The following SLC49A3 variants were observed in gnomAD, a reference collection of about 807,000 sequenced individuals.
SLC49A3 encodes the protein solute carrier family 49 member 3.
Under a neutral mutation model 43.8 loss-of-function variants are expected in SLC49A3, and 50 were observed. The ratio of observed to expected loss-of-function variants is 1.14; its 90% CI spans 0.91 to 1.45. SLC49A3 has a LOEUF of 1.45. Ranked by LOEUF, SLC49A3 falls within the 40% of genes most tolerant of loss-of-function variation. The pLI is 0.00. For synonymous variants in SLC49A3, 413 were observed against 352.0 expected, an observed-to-expected ratio of 1.17 and a Z score of -1.94; for missense variants, 906 against 774.1, an observed-to-expected ratio of 1.17 and a Z score of -2.02.
chr4:678,386 A>G, downstream of SLC49A3: 2 of 1,413,780 alleles, frequency 1.4e-6, no homozygotes, highest in Non-Finnish European at 1.8e-6. Context: ...CTCCTGCTGG[A>G]CGGCGATCCC....
chr4:682,088 C>A lies in SLC49A3; in HGVS notation c.1550G>T (p.Arg517Leu), dbSNP rs370343121. The A allele has an allele frequency of 4.3e-6, 6 of 1,393,792 alleles. No homozygotes were observed. The highest frequency in any genetic ancestry group is 2.9e-5 in the Admixed American group (1 of 35,010). 86.3% of individuals were successfully genotyped at this position (1,393,792 alleles called of 1,614,324 possible). The change falls in exon 10 of 10, where the codon CGT becomes CTT. Residue 517 changes from arginine to leucine, a missense_variant. Transcript: ENST00000322224. ...GTCGGTGGCTGCTGGGCCTTGCGCA[C>A]GGGGAGTCGCTCGGTGGCAGGCTGG... is the stretch of plus-strand genomic sequence containing the variant. Reference protein sequence around the residue: ...PHPACHRATPRAQGPAATDAP... With the variant: ...PHPACHRATPLAQGPAATDAP...
At chr4:680,368 C>T (rs1313418480), downstream of SLC49A3, 1 of 914,588 alleles carries the variant, frequency 1.1e-6, no homozygotes, top group Non-Finnish European at 1.7e-6. Flanking sequence ...AGGAGAAGGC[C>T]TTCAGGCAGA....
rs2109433084 is a variant in SLC49A3 at position 685,933 on chromosome 4, G to T, written c.509-22C>A. The stretch of plus-strand genomic sequence containing the variant: ...TTCGCTGGGTGGGCGGATGCACAAA[G>T]TGTCAGCTCGGCTGTGGCCTGGCTT... On this transcript the variant is annotated intron_variant, in intron 3 of 9. Coordinates refer to ENST00000322224, the MANE Select transcript of SLC49A3 (RefSeq NM_032219.4). This position sits in a 1 kb window ranked among gnomAD's most constrained non-coding sequence, Gnocchi z 4.3. The T allele has an allele frequency of 1.2e-6, 2 of 1,613,738 alleles. No individual in the cohort carries two copies. The highest frequency in any genetic ancestry group is 1.7e-6 in the Non-Finnish European group (2 of 1,179,974).
downstream of SLC49A3, chr4:678,467 C>A: frequency 7.0e-7 from 1 of 1,432,400 alleles, no homozygotes; most frequent in East Asian, 2.5e-5. Context: ...AAGCCAGACA[C>A]CTGCAGCCGT....
chr4:688,850 C>T (rs944502344), intron 1 of SLC49A3, 143 bp downstream of exon 1: 4 of 1,335,106 alleles, frequency 3.0e-6, no homozygotes, highest in South Asian at 3.2e-5. Context: ...CCCCAGTGCC[C>T]GCAATCCCTA....
At chr4:682,922 A>G in intron 8 of SLC49A3, 32 bp from the exon 9 acceptor site, 4 of 1,522,630 alleles carry the variant, frequency 2.6e-6, no homozygotes, top group African/African-American at 1.4e-5. Flanking sequence ...CCCCCGCTGC[A>G]CTGCCCACCC....
chr4:681,199 G>A, downstream of SLC49A3: 2 of 1,560,662 alleles, frequency 1.3e-6, no homozygotes, highest in South Asian at 2.3e-5. Context: ...CCCGGGGTCA[G>A]CTGGGTGGAG....
chr4:685,290 CAT>C lies in SLC49A3; in HGVS notation c.586-436_586-435del, dbSNP rs112451979. Among the ~76,000 whole-genome samples, 999 of 152,286 alleles carry C rather than the reference CAT, an allele frequency of 6.6e-3. 8 individuals are homozygous for C. The highest frequency in any genetic ancestry group is 0.023 in the African/African-American group (942 of 41,550). On this transcript the variant is annotated intron_variant, in intron 4 of 9. Transcript: ENST00000322224. This position sits in a 1 kb window ranked among gnomAD's most constrained non-coding sequence, Gnocchi z 4.3. ...CGAGCACACACAGGTACACACCACACATGTGCACAGACACACAGACACATATG... is the reference window on the plus strand; with the variant it reads ...CGAGCACACACAGGTACACACCACACGTGCACAGACACACAGACACATATG...
At chr4:678,164 G>A, downstream of SLC49A3, 1 of 1,543,434 alleles carries the variant, frequency 6.5e-7, no homozygotes, top group Non-Finnish European at 8.8e-7. Context: ...TGCTCTGCCT[G>A]CATATGTGTG....
Position 683,259 on chromosome 4 carries a change from A to T in SLC49A3, c.1102T>A (p.Ser368Thr). 1 of 1,612,738 alleles carries T rather than the reference A, an allele frequency of 6.2e-7. No individual in the cohort carries two copies. Residue 368 changes from serine (S) to threonine (T), a missense_variant, in exon 8 of 10, where the codon TCC becomes ACC. Physicochemically the swap from Ser to Thr is moderately conservative, Grantham distance 58 (BLOSUM62 1). Coordinates refer to ENST00000322224, the MANE Select transcript of SLC49A3 (RefSeq NM_032219.4). Reference protein sequence around the residue: ...PVAMELAVECSFPVGEGAATG... With the variant: ...PVAMELAVECTFPVGEGAATG... The stretch of plus-strand genomic sequence containing the variant: ...GCAGCCCCCTCCCCCACGGGGAAGG[A>T]ACACTCGACCGCCAACTCCATGGCC...
chr4:681,124 A>C (rs761908477), downstream of SLC49A3: 16 of 1,607,314 alleles, frequency 1.0e-5, 1 homozygote, highest in South Asian at 1.8e-4. Context: ...CAGGCTGACA[A>C]GATGACGGCG....
At chr4:681,252 G>C, downstream of SLC49A3, 7 of 1,283,558 alleles carry the variant, frequency 5.5e-6, 1 homozygote, top group Middle Eastern at 1.0e-3. Flanking sequence ...TTAGGACCCA[G>C]GACAGAACAG....
chr4:682,713 G>A (rs748293299), intron 9 of SLC49A3, 68 bp downstream of exon 9: 45 of 1,310,494 alleles, frequency 3.4e-5, no homozygotes, highest in Admixed American at 1.2e-4. Flanking sequence ...CACCTGTCCC[G>A]CTCCCAGGGA....
At chr4:689,484 T>A (rs776356362), upstream of SLC49A3, 26 of 176,230 alleles carry the variant, frequency 1.5e-4, no homozygotes, top group Admixed American at 3.8e-4. Flanking sequence ...GCAGAAGCTC[T>A]GCACTTCCTG....
At chr4:683,179 G>A in intron 8 of SLC49A3, 31 bp downstream of exon 8, 1 of 1,612,394 alleles carries the variant, frequency 6.2e-7, no homozygotes, top group Non-Finnish European at 8.5e-7. Flanking sequence ...GAGTATCTCT[G>A]GGGTTGCAGC....
rs1364016249 is a variant in SLC49A3 at position 689,094 on chromosome 4, C to T, written c.34G>A (p.Ala12Thr). Residue 12 changes from alanine to threonine, a missense_variant, in exon 1 of 10, where the codon GCC (alanine) becomes ACC (threonine). By Grantham distance (58) the Ala-to-Thr change is moderately conservative. Coordinates refer to ENST00000322224, the MANE Select transcript of SLC49A3 (RefSeq NM_032219.4). ...AGPTEAETGL[A>T]EPRALCAQRG... is the part of the protein sequence containing the mutation. ...TGCGCGCACAGGGCCCGGGGCTCGG[C>T]CAACCCCGTCTCGGCCTCCGTCGGC... is the stretch of plus-strand genomic sequence containing the variant. 1 of 1,502,154 alleles carries T rather than the reference C, an allele frequency of 6.7e-7. No homozygotes were observed. Among genetic ancestry groups the T allele is most frequent in the South Asian group, 1.2e-5 (1 of 80,086 alleles). 93.1% of individuals were successfully genotyped at this position (1,502,154 alleles called of 1,614,324 possible). A position where few individuals can be genotyped will look rare whatever the true frequency, so the allele number is the denominator to read the frequency against.
rs1740187609 is a variant in SLC49A3 at position 683,202 on chromosome 4, ACAC to A, written c.1151+5_1151+7del. The A allele has an allele frequency of 1.2e-6, 2 of 1,612,420 alleles. No individual in the cohort carries two copies. Among genetic ancestry groups the A allele is most frequent in the African/African-American group, 1.3e-5 (1 of 74,842 alleles). On this transcript the variant is annotated splice_donor_5th_base_variant and intron_variant, in intron 8 of 9. Coordinates refer to ENST00000322224, the MANE Select transcript of SLC49A3 (RefSeq NM_032219.4). Reference sequence around the variant, plus strand: ...CTGGGGTTGCAGCAGGGGCAGATGGACACTCACCCCAGCACAAAGATCATGCCT... The same window carrying A: ...CTGGGGTTGCAGCAGGGGCAGATGGATCACCCCAGCACAAAGATCATGCCT...
chr4:677,232 C>T (rs372771412), downstream of SLC49A3, among the ~76,000 whole-genome samples: 18 of 152,316 alleles, frequency 1.2e-4, no homozygotes, highest in African/African-American at 4.3e-4. Flanking sequence ...GGCCTGCAGA[C>T]CCTCCTCCCA....
In SLC49A3 at chr4:683,240, C is replaced by G. The variant is rs1214265591; in HGVS notation, c.1121G>C (p.Gly374Ala). The G allele has an allele frequency of 5.6e-6, 9 of 1,612,668 alleles. No homozygotes were observed. The highest frequency in any genetic ancestry group is 1.6e-4 in the Middle Eastern group (1 of 6,084). Residue 374 changes from glycine to alanine, a missense_variant, in exon 8 of 10, where the codon GGG becomes GCG. Coordinates refer to ENST00000322224, the MANE Select transcript of SLC49A3 (RefSeq NM_032219.4). Reference sequence around the variant, plus strand: ...CACAAAGATCATGCCTGTGGCAGCCCCCTCCCCCACGGGGAAGGAACACTC... The same window carrying G: ...CACAAAGATCATGCCTGTGGCAGCCGCCTCCCCCACGGGGAAGGAACACTC... ...AVECSFPVGE[G>A]AATGMIFVLG...
Sources: gnomAD v4.1 joint callset for allele counts (sites outside exome capture counted in the v4.1 genomes callset) on GRCh38, gnomAD v4.1.1 for gene constraint, Gnocchi (gnomAD v3.1) non-coding constraint, MANE v1.5 for transcripts, NCBI Gene and HGNC (gene_info 2026-07-23, HGNC 2026-07-21) for gene names.